The following SNAPC1 variants were observed in gnomAD, a reference collection of about 807,000 sequenced individuals.
SNAPC1 encodes small nuclear RNA activating complex polypeptide 1.
SNAPC1 carries 42 observed loss-of-function variants against 50.1 expected under a neutral mutation model. The ratio of observed to expected loss-of-function variants is 0.84; its 90% confidence interval spans 0.65 to 1.08. The LOEUF (loss-of-function observed/expected upper bound fraction) is 1.08, where lower values mean the gene tolerates loss of function less well. SNAPC1 is among the 50% of genes least tolerant of loss of function. The pLI is 0.00. For missense variants in SNAPC1, 477 were observed against 427.3 expected (o/e 1.12, Z -1.02); for synonymous variants, 164 against 144.2 (o/e 1.14, Z -0.98).
At chr14:61,776,372 A>G (rs2045035502) in intron 5 of SNAPC1, 119 bp downstream of exon 5, 1 of 891,870 alleles carries the variant, frequency 1.1e-6, no homozygotes, top group Admixed American at 2.9e-5. Context: ...GCTAAGATTT[A>G]TAGGGCTTGG....
At chr14:61,776,347 C>A in intron 5 of SNAPC1, 94 bp downstream of exon 5, 1 of 1,124,240 alleles carries the variant, frequency 8.9e-7, no homozygotes, top group Non-Finnish European at 1.3e-6. Context: ...GTTTTAGAGG[C>A]TGTAATCCTG....
rs1224864561 is a variant in SNAPC1 at position 61,781,516 on chromosome 14, A to T, written c.826-731A>T. 2.6e-5 allele frequency among the ~76,000 whole-genome samples: 4 copies of T among 152,114 alleles called. No homozygotes were observed. In the East Asian group the frequency reaches 7.7e-4, roughly 29 times the overall value. On this transcript the variant is annotated intron_variant, in intron 7 of 9. Transcript: ENST00000216294. ...ATACCTGTATTGCATATACAGCATTAACTGAAAATTCTTTGCTTAAGCAAG... is the reference window on the plus strand; with the variant it reads ...ATACCTGTATTGCATATACAGCATTTACTGAAAATTCTTTGCTTAAGCAAG...
chr14:61,782,684 C>T (rs376694118), intron 8 of SNAPC1, among the ~76,000 whole-genome samples: 1 of 151,970 alleles, frequency 6.6e-6, no homozygotes, highest in African/African-American at 2.4e-5. Context: ...CCTAGGTGGG[C>T]GGATCACTTG....
At chr14:61,782,714 A>C (rs567085362) in intron 8 of SNAPC1, among the ~76,000 whole-genome samples, 70 of 152,128 alleles carry the variant, frequency 4.6e-4, no homozygotes, top group Non-Finnish European at 8.8e-4. Flanking sequence ...GTTCAAGTCC[A>C]GCCTGGCCAA....
intron 5 of SNAPC1, among the ~76,000 whole-genome samples, chr14:61,777,237 C>T (rs545994438): frequency 5.9e-5 from 9 of 152,062 alleles, no homozygotes; most frequent in South Asian, 4.2e-4. Context: ...ATGATAGTCT[C>T]GGGAAGAAGA....
At chr14:61,777,195 T>C (rs948860045) in intron 5 of SNAPC1, among the ~76,000 whole-genome samples, 3 of 150,784 alleles carry the variant, frequency 2.0e-5, no homozygotes, top group African/African-American at 7.4e-5. Flanking sequence ...CAAAACTTAA[T>C]TTTAGAAAAG....
rs142757093 is a variant in SNAPC1, at chr14:61,790,122, G to C, written c.977-2685G>C. 6.6e-5 allele frequency among the ~76,000 whole-genome samples: 10 copies of C among 152,274 alleles called. No homozygotes were observed. The East Asian group carries it at 1.9e-3, about 29-fold the overall frequency. On this transcript the variant is annotated intron_variant, in intron 8 of 9. Coordinates refer to ENST00000216294, the MANE Select transcript of SNAPC1 (RefSeq NM_003082.4). ...CAATGACACAATAAAGATTTCATTG[G>C]GGGGAGAATTCGCTCCAGTCCGCCT... is the stretch of plus-strand genomic sequence containing the variant.
At chr14:61,766,201 T>C (rs1232568146) in intron 1 of SNAPC1, among the ~76,000 whole-genome samples, 1 of 152,250 alleles carries the variant, frequency 6.6e-6, no homozygotes, top group African/African-American at 2.4e-5. Flanking sequence ...GGCGTGCTTA[T>C]ACTGGTCCAA....
chr14:61,773,365 A>G (rs1594645380), intron 4 of SNAPC1, among the ~76,000 whole-genome samples: 1 of 149,734 alleles, frequency 6.7e-6, no homozygotes, highest in South Asian at 2.1e-4. Context: ...TAATTATCAT[A>G]GTAACCCTGC....
chr14:61,783,730 G>A (rs1051909013), intron 8 of SNAPC1, among the ~76,000 whole-genome samples: 1 of 151,772 alleles, frequency 6.6e-6, no homozygotes, highest in Non-Finnish European at 1.5e-5. Flanking sequence ...AGTAGAGACG[G>A]GGTTTCACTA....
At chr14:61,770,923 G>C (rs1295916459) in intron 4 of SNAPC1, among the ~76,000 whole-genome samples, 1 of 152,006 alleles carries the variant, frequency 6.6e-6, no homozygotes, top group African/African-American at 2.4e-5. Flanking sequence ...TTGTATTTTA[G>C]TAGAGATGGG....
rs1421315793 is a variant in SNAPC1, at chr14:61,796,126, G to T, written c.*1143G>T. On this transcript the variant is annotated 3_prime_UTR_variant, in exon 10 of 10. Coordinates refer to ENST00000216294, the MANE Select transcript of SNAPC1 (RefSeq NM_003082.4). ...CGAGGTGGGCGGATCACGAGGTCAG[G>T]AGATCGAGACCATCGTGACTAACAC... The T allele has an allele frequency of 6.6e-6, 1 of 152,192 alleles. No individual in the cohort carries two copies. The highest frequency in any genetic ancestry group is 2.4e-5 in the African/African-American group (1 of 41,404). 9.4% of individuals were successfully genotyped at this position (152,192 alleles called of 1,614,324 possible).
Position 61,792,812 on chromosome 14 carries a change from G to A in SNAPC1, c.982G>A (p.Val328Met). Residue 328 changes from valine to methionine, a missense_variant, in exon 9 of 10, where the codon GTG becomes ATG. By Grantham distance (21) the Val-to-Met change is conservative. Transcript: ENST00000216294. The stretch of plus-strand genomic sequence containing the variant: ...CATTTTCTAAATATTTCTAGGCAAT[G>A]TGCAGAATATACACAAGGAAGATAA... ...RKMSLRNKGN[V>M]QNIHKEDKPL... is the part of the protein sequence containing the mutation. The A allele has an allele frequency of 6.6e-7, 1 of 1,507,298 alleles. No individual in the cohort carries two copies. The highest frequency in any genetic ancestry group is 9.1e-7 in the Non-Finnish European group (1 of 1,103,020). The allele number at this position is 1,507,298 out of a possible 1,614,324, so 93.4% of individuals were successfully genotyped here. A position where few individuals can be genotyped will look rare whatever the true frequency, so the allele number is the denominator to read the frequency against.
At chr14:61,769,409 T>TTC (rs1555341112) in intron 4 of SNAPC1, among the ~76,000 whole-genome samples, 20 of 145,340 alleles carry the variant, frequency 1.4e-4, no homozygotes, top group South Asian at 2.3e-4. Flanking sequence ...TTTTTTTTTT[T>TTC]TTTTCTCACA....
At chr14:61,784,789 A>G (rs1346630761) in intron 8 of SNAPC1, among the ~76,000 whole-genome samples, 1 of 152,250 alleles carries the variant, frequency 6.6e-6, no homozygotes, top group African/African-American at 2.4e-5. Context: ...CCTCATGTTC[A>G]ATGGTAATAT....
chr14:61,795,187 T>C lies in SNAPC1; in HGVS notation c.*204T>C. Reference sequence around the variant, plus strand: ...AATTCTTTAACATTTTCTTTAATGATTTGCATAAATGGAGATAAAACTTGT... The same window carrying C: ...AATTCTTTAACATTTTCTTTAATGACTTGCATAAATGGAGATAAAACTTGT... On this transcript the variant is annotated 3_prime_UTR_variant, in exon 10 of 10. Coordinates refer to ENST00000216294, the MANE Select transcript of SNAPC1 (RefSeq NM_003082.4). The C allele has an allele frequency of 1.9e-6, 1 of 516,466 alleles. No individual in the cohort carries two copies. Among genetic ancestry groups the C allele is most frequent in the Non-Finnish European group, 3.4e-6 (1 of 295,198 alleles). The allele number at this position is 516,466 out of a possible 1,614,324, so 32.0% of individuals were successfully genotyped here.
intron 1 of SNAPC1, among the ~76,000 whole-genome samples, chr14:61,763,647 G>T (rs550979884): frequency 6.6e-6 from 1 of 152,052 alleles, no homozygotes; most frequent in African/African-American, 2.4e-5. Context: ...GACTGAGTAC[G>T]CTGTTCATGT....
At chr14:61,790,266 A>G (rs1421965252) in intron 8 of SNAPC1, among the ~76,000 whole-genome samples, 7 of 152,256 alleles carry the variant, frequency 4.6e-5, no homozygotes, top group Admixed American at 2.6e-4. Context: ...TTCCTCGAAT[A>G]TAACATGCAT....
At position 61,792,877 on chromosome 14, in the gene SNAPC1, A is replaced by G; in HGVS notation, c.1047A>G (p.Glu349=). Residue 349 remains glutamate (E), a synonymous_variant, in exon 9 of 10, where the codon GAA becomes GAG. Transcript: ENST00000216294. ...GTATGCCTGTAATTACAGAAGAAGA[A>G]GAGAATGAAAGTTTGAGTGGAACAG... ...SLSMPVITEE[E]ENESLSGTEF... 1 of 1,605,194 alleles carries G rather than the reference A, an allele frequency of 6.2e-7. No homozygotes were observed. Among genetic ancestry groups the G allele is most frequent in the Non-Finnish European group, 8.5e-7 (1 of 1,174,306 alleles).
Sources: gnomAD v4.1 joint callset for allele counts (sites outside exome capture counted in the v4.1 genomes callset) on GRCh38, gnomAD v4.1.1 for gene constraint, MANE v1.5 for transcripts, NCBI Gene and HGNC (gene_info 2026-07-23, HGNC 2026-07-21) for gene names.